The following KCNK9 variants were observed in gnomAD, a reference collection of about 807,000 sequenced individuals.
The protein encoded by KCNK9 is potassium two pore domain channel subfamily K member 9.
KCNK9 carries 1 observed loss-of-function variant against 10.8 expected under a neutral mutation model. That is an observed-to-expected ratio of 0.09 (90% CI 0.03 to 0.44). KCNK9 has a LOEUF of 0.44. KCNK9 is among the 20% of genes least tolerant of loss of function. The probability of loss-of-function intolerance (pLI) is 0.97; values close to 1 mark genes in which losing one functional copy is unlikely to be tolerated. For missense variants in KCNK9, 303 were observed against 515.0 expected, an observed-to-expected ratio of 0.59 and a Z score of 3.98; for synonymous variants, 231 against 222.7, an observed-to-expected ratio of 1.04 and a Z score of -0.33.
chr8:139,632,880 T>C (rs1815216996), intron 1 of KCNK9, among the ~76,000 whole-genome samples: 2 of 152,090 alleles, frequency 1.3e-5, no homozygotes, highest in South Asian at 4.1e-4. Context: ...GCTCATAACA[T>C]GTACTTAAGA....
At chr8:139,687,292 CTA>C (rs1816810834) in intron 1 of KCNK9, among the ~76,000 whole-genome samples, 1 of 149,544 alleles carries the variant, frequency 6.7e-6, no homozygotes, top group East Asian at 2.0e-4. Flanking sequence ...TACTTCTATG[CTA>C]CATTTTGTTT....
intron 1 of KCNK9, among the ~76,000 whole-genome samples, chr8:139,633,834 G>C (rs996430629): frequency 2.0e-5 from 3 of 152,232 alleles, no homozygotes; most frequent in African/African-American, 7.2e-5. Flanking sequence ...CGAGCGTGAA[G>C]ACGACGACAC....
At chr8:139,637,974 C>T (rs1158892259) in intron 1 of KCNK9, among the ~76,000 whole-genome samples, 1 of 152,042 alleles carries the variant, frequency 6.6e-6, no homozygotes, top group Non-Finnish European at 1.5e-5. Context: ...GTGCTAGTAC[C>T]AACACATGTG....
At chr8:139,630,763 G>A (rs1013032156) in intron 1 of KCNK9, among the ~76,000 whole-genome samples, 1 of 152,222 alleles carries the variant, frequency 6.6e-6, no homozygotes, top group African/African-American at 2.4e-5. Flanking sequence ...CTGAGCAGGA[G>A]GCCGACAGCA....
At chr8:139,692,417 C>T (rs1277031564) in intron 1 of KCNK9, among the ~76,000 whole-genome samples, 3 of 152,180 alleles carry the variant, frequency 2.0e-5, no homozygotes, top group Admixed American at 6.5e-5. Context: ...TAGGGAATTT[C>T]CTCCCTTTCA....
intron 1 of KCNK9, among the ~76,000 whole-genome samples, chr8:139,684,139 A>G (rs1309748323): frequency 6.6e-6 from 1 of 152,218 alleles, no homozygotes; most frequent in Admixed American, 6.5e-5. Flanking sequence ...CCACCCAGAC[A>G]TGCCCTGAGA....
At chr8:139,670,863 C>T (rs921412941) in intron 1 of KCNK9, among the ~76,000 whole-genome samples, 3 of 152,192 alleles carry the variant, frequency 2.0e-5, no homozygotes, top group Non-Finnish European at 4.4e-5. Context: ...CCCGCCTCCC[C>T]AGCAGCATCT....
intron 1 of KCNK9, among the ~76,000 whole-genome samples, chr8:139,641,964 T>C (rs1037297100): frequency 1.3e-5 from 2 of 152,202 alleles, no homozygotes; most frequent in South Asian, 2.1e-4. Context: ...GCCATACAGA[T>C]GTCCACCTCA....
chr8:139,635,269 C>T (rs140990014), intron 1 of KCNK9, among the ~76,000 whole-genome samples: 11 of 152,314 alleles, frequency 7.2e-5, no homozygotes, highest in Admixed American at 3.3e-4. Context: ...GGTACTATCC[C>T]GTATCATCAA....
chr8:139,640,093 A>T (rs1331844264), intron 1 of KCNK9, among the ~76,000 whole-genome samples: 2 of 151,892 alleles, frequency 1.3e-5, no homozygotes, highest in African/African-American at 4.8e-5. Flanking sequence ...CTGACCTCCC[A>T]GGCCAGGCTC....
chr8:139,623,308 C>T (rs958537016), intron 1 of KCNK9, among the ~76,000 whole-genome samples: 6 of 152,166 alleles, frequency 3.9e-5, no homozygotes, highest in Non-Finnish European at 7.4e-5. Context: ...CAGCATCACC[C>T]GCCCAGGGGT....
intron 1 of KCNK9, among the ~76,000 whole-genome samples, chr8:139,663,385 C>T (rs1443025934): frequency 6.6e-6 from 1 of 152,068 alleles, no homozygotes; most frequent in African/African-American, 2.4e-5. Flanking sequence ...GCTCTCGGCG[C>T]CCCCATCAAC....
At chr8:139,648,467 T>C (rs997237777) in intron 1 of KCNK9, among the ~76,000 whole-genome samples, 1 of 152,232 alleles carries the variant, frequency 6.6e-6, no homozygotes. Flanking sequence ...CAACAACCCA[T>C]GCAAGATGGT....
chr8:139,619,195 G>A, intron 1 of KCNK9, 96 bp from the exon 2 acceptor site: 1 of 1,371,902 alleles, frequency 7.3e-7, no homozygotes, highest in Non-Finnish European at 1.0e-6. Context: ...GCAGTGCAAT[G>A]CAGAGGGACC....
At chr8:139,615,598 G>A (rs1239157068), downstream of KCNK9, among the ~76,000 whole-genome samples, 3 of 152,048 alleles carry the variant, frequency 2.0e-5, no homozygotes, top group African/African-American at 4.8e-5. Flanking sequence ...AAACAAGGAT[G>A]TTTAACTTTG....
At position 139,618,678 on chromosome 8, in the gene KCNK9, G is replaced by A. The variant is rs747620541; in HGVS notation, c.705C>T (p.Ile235=). Residue 235 remains isoleucine (I), a synonymous_variant, in exon 2 of 2, where the codon ATC becomes ATT. Transcript: ENST00000520439. The surrounding 1 kb of genome is among the most constrained non-coding windows in gnomAD (Gnocchi z 7.9). ...FMYILVGLTV[I]GAFLNLVVLR... is the part of the protein sequence containing the mutation. The stretch of plus-strand genomic sequence containing the variant: ...GGACGACCAGGTTGAGGAAGGCCCC[G>A]ATGACCGTCAGCCCCACCAGGATAT... 8.7e-6 allele frequency: 14 copies of A among 1,614,052 alleles called. No individual in the cohort carries two copies. The highest frequency in any genetic ancestry group is 5.0e-5 in the Admixed American group (3 of 60,004).
intron 1 of KCNK9, among the ~76,000 whole-genome samples, chr8:139,660,444 A>AG: frequency 7.9e-6 from 1 of 126,576 alleles, no homozygotes; most frequent in East Asian, 3.8e-4. Context: ...TCTCTGCTAA[A>AG]AAAAAATATA....
Position 139,702,698 on chromosome 8 carries a change from C to A in KCNK9, c.283+12G>T. The A allele has an allele frequency of 4.4e-6, 7 of 1,601,850 alleles. No individual in the cohort carries two copies. The highest frequency in any genetic ancestry group is 5.9e-6 in the Non-Finnish European group (7 of 1,177,234). On this transcript the variant is annotated intron_variant, in intron 1 of 1. Transcript: ENST00000520439. The surrounding 1 kb of genome is among the most constrained non-coding windows in gnomAD (Gnocchi z 7.5). ...CGGGGCGCGGGAGCCCAGCGGCGCG[C>A]CCAGCCCTTACCTATGGTGGTGATG...
At chr8:139,651,101 A>C (rs1815848775) in intron 1 of KCNK9, among the ~76,000 whole-genome samples, 1 of 152,148 alleles carries the variant, frequency 6.6e-6, no homozygotes, top group South Asian at 2.1e-4. Flanking sequence ...ACTGGGCTGC[A>C]GGTCAGGGTG....
Sources: allele counts gnomAD v4.1 joint callset (sites outside exome capture counted in the v4.1 genomes callset), GRCh38; gene constraint gnomAD v4.1.1; non-coding constraint Gnocchi (gnomAD v3.1); transcripts MANE v1.5; gene names NCBI Gene and HGNC (gene_info 2026-07-23, HGNC 2026-07-21).